Variants in ACACB observed in about 807,000 individuals in gnomAD.
ACACB encodes the protein acetyl-CoA carboxylase beta, also known as acetyl-CoA carboxylase 2.
In ACACB, 209 loss-of-function variants were observed where a neutral mutation model predicts 278.8. The observed-to-expected ratio is 0.75, with a 90% CI of 0.67 to 0.84. The LOEUF (loss-of-function observed/expected upper bound fraction) is 0.84. Among genes scored for constraint, ACACB ranks in the 40% least tolerant of loss-of-function variants. The pLI, the probability that ACACB is intolerant of heterozygous loss-of-function variation, is 0.00. For synonymous variants in ACACB, 1,174 were observed against 1,285.6 expected, an observed-to-expected ratio of 0.91 and a Z score of 1.86; for missense variants, 2,850 against 3,269.0, an observed-to-expected ratio of 0.87 and a Z score of 3.13.
intron 21 of ACACB, 89 bp downstream of exon 21, chr12:109,209,442 G>C (rs1396485218): frequency 7.2e-7 from 1 of 1,389,676 alleles, no homozygotes; most frequent in Non-Finnish European, 9.8e-7. Flanking sequence ...CTCTGATCAA[G>C]TTGAACTCCT....
Position 109,259,048 on chromosome 12 carries a change from C to A in ACACB, c.6436C>A (p.Arg2146=). The change falls in exon 47 of 53, where the codon CGG becomes AGG. Residue 2146 remains arginine (R), a synonymous_variant. Transcript: ENST00000338432. ...KTAQAVKDFN[R]EKLPLMIFAN... Reference sequence around the variant, plus strand: ...CGCCCAGGCCGTCAAGGACTTCAACCGGGAGAAGTTGCCCCTGATGATCTT... The same window carrying A: ...CGCCCAGGCCGTCAAGGACTTCAACAGGGAGAAGTTGCCCCTGATGATCTT... 1 of 1,614,102 alleles carries A rather than the reference C, an allele frequency of 6.2e-7. No individual in the cohort carries two copies. The highest frequency in any genetic ancestry group is 1.3e-5 in the African/African-American group (1 of 75,020).
Position 109,222,535 on chromosome 12 carries a change from T to C in ACACB, c.3593T>C (p.Leu1198Pro), listed in dbSNP as rs1300418762. 6.2e-7 allele frequency: 1 copy of C among 1,614,050 alleles called. No individual in the cohort carries two copies. Among genetic ancestry groups the C allele is most frequent in the Non-Finnish European group, 8.5e-7 (1 of 1,180,034 alleles). The change falls in exon 25 of 53, where the codon CTG (leucine) becomes CCG (proline). Residue 1198 changes from leucine to proline, a missense_variant. Around this residue, in one of 3 missense-constraint regions of ACACB, gnomAD observed 2,265 missense variants for 2,561.3 expected, o/e 0.88. Transcript: ENST00000338432. ...IDELCGPDPSLSDELISILNE... is the reference protein window; with the variant it reads ...IDELCGPDPSPSDELISILNE... ...GAGCTGTGTGGCCCAGACCCTTCCC[T>C]GTCGGACGAGCTGATCTCCATCCTC...
intron 40 of ACACB, 99 bp downstream of exon 40, chr12:109,247,802 G>T: frequency 1.0e-6 from 1 of 1,000,980 alleles, no homozygotes; most frequent in Non-Finnish European, 1.6e-6. Flanking sequence ...GTGGGGTGGT[G>T]GTGTTTGTAT....
intron 10 of ACACB, 77 bp downstream of exon 10, chr12:109,179,374 C>A: frequency 6.8e-7 from 1 of 1,464,214 alleles, no homozygotes; most frequent in Non-Finnish European, 9.3e-7. Context: ...TTTCTACGGT[C>A]AGTGTGGCTG....
chr12:109,195,569 G>A (rs1439824224), intron 16 of ACACB, among the ~76,000 whole-genome samples: 1 of 152,164 alleles, frequency 6.6e-6, no homozygotes. Flanking sequence ...TCCATCATGT[G>A]CTAATGCCTA....
chr12:109,265,304 C>T (rs1034203272), intron 51 of ACACB, 24 bp downstream of exon 51: 14 of 1,611,472 alleles, frequency 8.7e-6, no homozygotes, highest in Non-Finnish European at 1.1e-5. Flanking sequence ...GAGAACGAGG[C>T]CGGTGAGCAC....
rs1298160676 is a variant in ACACB at position 109,238,485 on chromosome 12, CATT to C, written c.4662+1108_4662+1110del. Among the ~76,000 whole-genome samples, 35 of 137,170 alleles carry C rather than the reference CATT, an allele frequency of 2.6e-4. No individual in the cohort carries two copies. The East Asian group carries it at 3.8e-3, about 15-fold the overall frequency. 90.0% of individuals were successfully genotyped at this position (137,170 alleles called of 152,430 possible). ...ATATAATATATAATATGTTATATAA[CATT>C]ATATATACATAATATAATACATATT... is the stretch of plus-strand genomic sequence containing the variant. On this transcript the variant is annotated intron_variant, in intron 34 of 52. Transcript: ENST00000338432.
chr12:109,248,748 T>C (rs749812390), intron 40 of ACACB, among the ~76,000 whole-genome samples: 13 of 152,200 alleles, frequency 8.5e-5, no homozygotes, highest in Non-Finnish European at 1.9e-4. Context: ...TAATCTCCTC[T>C]AGCAACACCC....
Position 109,175,976 on chromosome 12 carries a change from G to A in ACACB, c.1262G>A (p.Arg421Lys), listed in dbSNP as rs749497970. ...WTEDDLQQGKRISVPEDVYDK... is the reference protein window; with the variant it reads ...WTEDDLQQGKKISVPEDVYDK... The stretch of plus-strand genomic sequence containing the variant: ...GAAGATGATCTGCAGCAGGGAAAAA[G>A]AATCAGTGTCCCAGAAGATGTTTAT... The change falls in exon 8 of 53, where the codon AGA becomes AAA. Residue 421 changes from arginine to lysine, a missense_variant. Transcript: ENST00000338432. 6.2e-7 allele frequency: 1 copy of A among 1,614,166 alleles called. No homozygotes were observed. The highest frequency in any genetic ancestry group is 8.5e-7 in the Non-Finnish European group (1 of 1,180,034).
intron 6 of ACACB, among the ~76,000 whole-genome samples, chr12:109,173,704 C>T (rs996769645): frequency 7.2e-5 from 11 of 152,242 alleles, no homozygotes; most frequent in African/African-American, 2.7e-4. Context: ...TCACCCAACA[C>T]TGGCAAAGTT....
In ACACB at chr12:109,227,500, G is replaced by A; in HGVS notation, c.4001+11G>A. On this transcript the variant is annotated intron_variant, in intron 28 of 52. Transcript: ENST00000338432. ...CTCCCACCCAAACCGGTATGGAGTG[G>A]GACACACCCAGGGACGGCCTGTGTT... 6.2e-7 allele frequency: 1 copy of A among 1,611,216 alleles called. No individual in the cohort carries two copies. Among genetic ancestry groups the A allele is most frequent in the Non-Finnish European group, 8.5e-7 (1 of 1,177,554 alleles).
At chr12:109,136,592 T>A (rs899266567) in intron 1 of ACACB, among the ~76,000 whole-genome samples, 1 of 152,234 alleles carries the variant, frequency 6.6e-6, no homozygotes, top group African/African-American at 2.4e-5. Flanking sequence ...TTTATTCTTT[T>A]GAATGCTATT....
At chr12:109,236,664 A>G (rs1460861261) in intron 33 of ACACB, among the ~76,000 whole-genome samples, 1 of 152,086 alleles carries the variant, frequency 6.6e-6, no homozygotes, top group Non-Finnish European at 1.5e-5. Flanking sequence ...TCAAGACCCC[A>G]CCAAATTCAG....
intron 11 of ACACB, among the ~76,000 whole-genome samples, chr12:109,180,752 C>T (rs994897149): frequency 1.3e-5 from 2 of 152,062 alleles, no homozygotes; most frequent in Non-Finnish European, 2.9e-5. Flanking sequence ...GTGTAATAAT[C>T]ACATCAGGGT....
intron 9 of ACACB, among the ~76,000 whole-genome samples, chr12:109,178,473 G>A (rs2044348570): frequency 6.6e-6 from 1 of 152,306 alleles, no homozygotes; most frequent in Admixed American, 6.5e-5. Context: ...GTTGCTATAT[G>A]CATAGAAGAA....
At chr12:109,170,213 TACCACC>T (rs2044065788) in intron 4 of ACACB, among the ~76,000 whole-genome samples, 1 of 151,936 alleles carries the variant, frequency 6.6e-6, no homozygotes, top group African/African-American at 2.4e-5. Flanking sequence ...TTCAGGCATG[TACCACC>T]ACGACTGGCT....
intron 2 of ACACB, among the ~76,000 whole-genome samples, chr12:109,143,462 C>CAAAAAAAAAAA (rs10696128): frequency 9.6e-6 from 1 of 104,048 alleles, no homozygotes. Flanking sequence ...GACCCTGTCT[C>CAAAAAAAAAAA]AAAAAAAAAA....
rs947446286 is a variant in ACACB at position 109,210,652 on chromosome 12, C to T, written c.3249+1299C>T. ...TACTGAGGTCGGGTGCATTGGCTCA[C>T]GCCTGTAATCCCAGCACGTTGGGAG... On this transcript the variant is annotated intron_variant, in intron 21 of 52. Coordinates refer to ENST00000338432, the MANE Select transcript of ACACB (RefSeq NM_001093.4). Among the ~76,000 whole-genome samples the T allele has an allele frequency of 1.1e-4, 16 of 150,876 alleles. 1 individual carries two copies. The South Asian group carries it at 2.5e-3, about 24-fold the overall frequency.
chr12:109,183,588 G>A (rs984380432), intron 11 of ACACB, among the ~76,000 whole-genome samples: 4 of 151,686 alleles, frequency 2.6e-5, no homozygotes, highest in Non-Finnish European at 4.4e-5. Flanking sequence ...CAGACCATTC[G>A]CTCTTGGCAT....
Sources: gnomAD v4.1 joint callset for allele counts (sites outside exome capture counted in the v4.1 genomes callset) on GRCh38, gnomAD v4.1.1 for gene constraint, gnomAD v4.1.1 regional missense constraint, MANE v1.5 for transcripts, NCBI Gene and HGNC (gene_info 2026-07-23, HGNC 2026-07-21) for gene names.